LEKR1: variants seen among roughly 807,000 people sequenced by gnomAD.
The protein encoded by LEKR1 is leucine, glutamate and lysine rich 1.
Under a neutral mutation model 72.4 loss-of-function variants are expected in LEKR1, and 59 were observed. That is an observed-to-expected ratio of 0.82 (90% CI 0.66 to 1.01). The LOEUF (loss-of-function observed/expected upper bound fraction) is 1.01. Among genes scored for constraint, LEKR1 ranks in the 50% least tolerant of loss-of-function variants. The pLI is 0.00. For missense variants in LEKR1, 728 were observed against 759.2 expected (o/e 0.96, Z 0.48); for synonymous variants, 257 against 263.2 (o/e 0.98, Z 0.23).
chr3:156,970,121 T>C (rs1729023163), intron 6 of LEKR1, among the ~76,000 whole-genome samples: 1 of 152,166 alleles, frequency 6.6e-6, no homozygotes, highest in Admixed American at 6.5e-5. Flanking sequence ...GGGACATATC[T>C]CAAAATAATA....
chr3:156,869,890 G>T (rs1576700081), intron 3 of LEKR1, among the ~76,000 whole-genome samples: 1 of 151,968 alleles, frequency 6.6e-6, no homozygotes, highest in Admixed American at 6.6e-5. Context: ...TGTATATGGT[G>T]AGAGAGGGGT....
chr3:156,838,081 T>C (rs1713390362), intron 2 of LEKR1, among the ~76,000 whole-genome samples: 1 of 152,202 alleles, frequency 6.6e-6, no homozygotes, highest in African/African-American at 2.4e-5. Flanking sequence ...CATCCAAGTA[T>C]TGACCTGGCA....
chr3:156,955,685 G>A (rs536453382), intron 6 of LEKR1, among the ~76,000 whole-genome samples: 1 of 152,164 alleles, frequency 6.6e-6, no homozygotes, highest in East Asian at 1.9e-4. Context: ...TTGCATCCCA[G>A]GGATGAAGCC....
At chr3:156,866,676 G>C (rs959299708) in intron 3 of LEKR1, among the ~76,000 whole-genome samples, 1 of 151,932 alleles carries the variant, frequency 6.6e-6, no homozygotes, top group Non-Finnish European at 1.5e-5. Flanking sequence ...TTGATATGAT[G>C]TTTTATGATT....
At chr3:157,027,790 C>A (rs1220929162) in intron 11 of LEKR1, among the ~76,000 whole-genome samples, 1 of 152,062 alleles carries the variant, frequency 6.6e-6, no homozygotes, top group Non-Finnish European at 1.5e-5. Context: ...CCACTGTGCT[C>A]CAGCCTTGGC....
intron 6 of LEKR1, among the ~76,000 whole-genome samples, chr3:156,944,012 T>A (rs1291056242): frequency 6.6e-6 from 1 of 151,772 alleles, no homozygotes; most frequent in Non-Finnish European, 1.5e-5. Flanking sequence ...AATATTATAT[T>A]CTACATTTGA....
chr3:157,008,538 G>C (rs1329896104), intron 9 of LEKR1, among the ~76,000 whole-genome samples: 1 of 152,026 alleles, frequency 6.6e-6, no homozygotes, highest in Non-Finnish European at 1.5e-5. Context: ...GTTTTCTTTT[G>C]CTTCTTCCCA....
chr3:157,007,042 A>G (rs957518680), intron 9 of LEKR1, among the ~76,000 whole-genome samples: 1 of 150,330 alleles, frequency 6.7e-6, no homozygotes, highest in African/African-American at 2.5e-5. Flanking sequence ...TACTAAAAAA[A>G]TACAAAAAAA....
intron 6 of LEKR1, among the ~76,000 whole-genome samples, chr3:156,967,636 A>C (rs1560113981): frequency 6.6e-6 from 1 of 152,216 alleles, no homozygotes; most frequent in Non-Finnish European, 1.5e-5. Context: ...GAAAAGACCA[A>C]ATCTACATCT....
intron 7 of LEKR1, among the ~76,000 whole-genome samples, chr3:156,989,579 A>G (rs947816208): frequency 3.3e-5 from 5 of 151,994 alleles, no homozygotes; most frequent in African/African-American, 1.2e-4. Flanking sequence ...TTTCTTTGTG[A>G]CTCACCTGAG....
intron 3 of LEKR1, among the ~76,000 whole-genome samples, chr3:156,859,347 T>C (rs1015519894): frequency 3.9e-5 from 6 of 152,230 alleles, no homozygotes; most frequent in Non-Finnish European, 8.8e-5. Flanking sequence ...AATATCCTTC[T>C]TGACCTTAAA....
Position 157,045,654 on chromosome 3 carries a change from C to T in LEKR1, c.1983C>T (p.Leu661=). 1 of 1,614,086 alleles carries T rather than the reference C, an allele frequency of 6.2e-7. No homozygotes were observed. The highest frequency in any genetic ancestry group is 8.5e-7 in the Non-Finnish European group (1 of 1,180,006). ...GGGTTAGATCAGGCGTGCCCATTCT[C>T]CCCCAGCCACATCCTCCCAGGGGTG... The part of the protein sequence containing the change: ...PKRVRSGVPI[L]PQPHPPRGGA... The change falls in exon 13 of 13, where the codon CTC becomes CTT. Residue 661 remains leucine (L), a synonymous_variant. Coordinates refer to ENST00000356539, the MANE Select transcript of LEKR1 (RefSeq NM_001004316.3).
intron 12 of LEKR1, among the ~76,000 whole-genome samples, chr3:157,030,397 T>G (rs1734517016): frequency 6.6e-6 from 1 of 152,164 alleles, no homozygotes; most frequent in South Asian, 2.1e-4. Context: ...AGATAGGTAC[T>G]GGTGATGTAA....
intron 10 of LEKR1, among the ~76,000 whole-genome samples, chr3:157,020,907 G>T (rs867620490): frequency 0.031 from 4,461 of 142,690 alleles, 96 homozygotes; most frequent in Admixed American, 0.043. Context: ...AGTGTAAAAG[G>T]GTTCCTATTT....
At chr3:156,881,946 A>G (rs1323802555) in intron 3 of LEKR1, among the ~76,000 whole-genome samples, 77 of 149,178 alleles carry the variant, frequency 5.2e-4, no homozygotes, top group Admixed American at 1.1e-3. Flanking sequence ...CTGGCTAGCC[A>G]TATGTAGAAA....
rs1430620023 is a variant in LEKR1 at position 156,844,905 on chromosome 3, G to GTT, written c.49-7863_49-7862insTT. Among the ~76,000 whole-genome samples, 19 of 56,276 alleles carry GTT rather than the reference G, an allele frequency of 3.4e-4. No homozygotes were observed. In the South Asian group the frequency reaches 7.7e-3, roughly 23 times the overall value. The allele number at this position is 56,276 out of a possible 152,430, so 36.9% of individuals were successfully genotyped here. A position where few individuals can be genotyped will look rare whatever the true frequency, so the allele number is the denominator to read the frequency against. On this transcript the variant is annotated intron_variant, in intron 2 of 12. Coordinates refer to ENST00000356539, the MANE Select transcript of LEKR1 (RefSeq NM_001004316.3). ...ATTGCTATGTTATATAGTAACTACA[G>GTT]GTTTTTTTTTTTTTTTTAAAGACAC...
At chr3:156,971,027 G>A (rs1260063057) in intron 6 of LEKR1, among the ~76,000 whole-genome samples, 60 of 151,746 alleles carry the variant, frequency 4.0e-4, no homozygotes, top group African/African-American at 1.1e-3. Flanking sequence ...AGCCCGCATC[G>A]CCAAGTCAAT....
intron 3 of LEKR1, among the ~76,000 whole-genome samples, chr3:156,901,010 A>G (rs983697738): frequency 5.3e-5 from 8 of 152,272 alleles, no homozygotes; most frequent in African/African-American, 1.9e-4. Context: ...TTTTTTAAAG[A>G]GATGGGATCT....
chr3:156,952,482 A>G (rs1306293583), intron 6 of LEKR1, among the ~76,000 whole-genome samples: 1 of 151,480 alleles, frequency 6.6e-6, no homozygotes, highest in Non-Finnish European at 1.5e-5. Flanking sequence ...AAAGCTAAAT[A>G]TTTCAAATAT....
Sources: allele counts gnomAD v4.1 joint callset (sites outside exome capture counted in the v4.1 genomes callset), GRCh38; gene constraint gnomAD v4.1.1; transcripts MANE v1.5; gene names NCBI Gene and HGNC (gene_info 2026-07-23, HGNC 2026-07-21).